The following PAQR3 variants were observed in gnomAD, a reference collection of about 807,000 sequenced individuals.
PAQR3 encodes the protein progestin and adipoQ receptor family member 3.
In PAQR3, 39 loss-of-function variants were observed where a neutral mutation model predicts 41.7. The observed-to-expected ratio is 0.93, with a 90% CI of 0.72 to 1.22. The LOEUF is 1.22. Ranked by LOEUF, PAQR3 falls within the 50% of genes most tolerant of loss-of-function variation. The pLI, the probability that PAQR3 is intolerant of heterozygous loss-of-function variation, is 0.00. For missense variants in PAQR3, 366 were observed against 385.6 expected, an observed-to-expected ratio of 0.95 and a Z score of 0.42; for synonymous variants, 140 against 140.6, an observed-to-expected ratio of 1.00 and a Z score of 0.03.
At position 78,939,141 on chromosome 4, in the gene PAQR3, G is replaced by A; in HGVS notation, c.84C>T (p.Ile28=). 1.9e-6 allele frequency: 3 copies of A among 1,613,824 alleles called. No individual in the cohort carries two copies. The highest frequency in any genetic ancestry group is 1.7e-6 in the Non-Finnish European group (2 of 1,179,890). ...QYWPVLVPRG[I]RLYTYEQIPG... ...GGATCTGCTCGTAGGTGTACAGGCG[G>A]ATGCCACGGGGCACCAGGACCGGCC... is the stretch of plus-strand genomic sequence containing the variant. The change falls in exon 1 of 6, where the codon ATC becomes ATT. Residue 28 remains isoleucine (I), a synonymous_variant. Coordinates refer to ENST00000512733, the MANE Select transcript of PAQR3 (RefSeq NM_001040202.2).
chr4:78,905,858 G>A (rs1734257211), intron 11 of PAQR3, among the ~76,000 whole-genome samples: 1 of 151,856 alleles, frequency 6.6e-6, no homozygotes, highest in Admixed American at 6.6e-5. Context: ...AAGAAATGGA[G>A]TATGAAGGTT....
rs1056459889 is a variant in PAQR3 at position 78,935,381 on chromosome 4, C to T, written c.186-98G>A. Reference sequence around the variant, plus strand: ...ATTTTGAGGAGTTACCTAATACTTGCTCCTTTAAGCTCTTACCCCACCTGT... The same window carrying T: ...ATTTTGAGGAGTTACCTAATACTTGTTCCTTTAAGCTCTTACCCCACCTGT... On this transcript the variant is annotated intron_variant, in intron 1 of 5. Transcript: ENST00000512733. 1.7e-4 allele frequency: 155 copies of T among 925,312 alleles called. 1 individual carries two copies. The highest frequency in any genetic ancestry group is 2.3e-4 in the Non-Finnish European group (146 of 634,124). 57.3% of individuals were successfully genotyped at this position (925,312 alleles called of 1,614,324 possible).
chr4:78,939,045 G>A lies in PAQR3; in HGVS notation c.180C>T (p.Ile60=). Reference sequence around the variant, plus strand: ...CGGAGGCAGCCAGACCGTACCTTTTGATACACAGCCTGGACGGCAGGTAGG... The same window carrying A: ...CGGAGGCAGCCAGACCGTACCTTTTAATACACAGCCTGGACGGCAGGTAGG... The part of the protein sequence containing the change: ...YRAYLPSRLC[I]KSLFILSNET... The change falls in exon 1 of 6, where the codon ATC becomes ATT. Residue 60 remains isoleucine (I), a synonymous_variant. Coordinates refer to ENST00000512733, the MANE Select transcript of PAQR3 (RefSeq NM_001040202.2). The A allele has an allele frequency of 1.2e-6, 2 of 1,602,442 alleles. No individual in the cohort carries two copies. Among genetic ancestry groups the A allele is most frequent in the Admixed American group, 1.7e-5 (1 of 59,492 alleles).
Position 78,917,178 on chromosome 4 carries a change from A to G in PAQR3, c.*3361T>C, listed in dbSNP as rs1396838558. ...TGGATAACGAATACCTTTTTAAGGAAGCCCAGGTCAAGCATCATATGTAAC... is the reference window on the plus strand; with the variant it reads ...TGGATAACGAATACCTTTTTAAGGAGGCCCAGGTCAAGCATCATATGTAAC... On this transcript the variant is annotated 3_prime_UTR_variant, in exon 6 of 6. Transcript: ENST00000512733. 2.0e-5 allele frequency: 3 copies of G among 151,974 alleles called. No individual in the cohort carries two copies. The highest frequency in any genetic ancestry group is 6.6e-5 in the Admixed American group (1 of 15,222). The allele number at this position is 151,974 out of a possible 1,614,324, so 9.4% of individuals were successfully genotyped here.
At chr4:78,903,273 ATTG>A (rs1403370648) in intron 11 of PAQR3, among the ~76,000 whole-genome samples, 2 of 151,918 alleles carry the variant, frequency 1.3e-5, no homozygotes, top group African/African-American at 4.8e-5. Flanking sequence ...AAATTATCCT[ATTG>A]TTATTACCTT....
chr4:78,890,762 C>G (rs563730141), intron 11 of PAQR3, among the ~76,000 whole-genome samples: 1 of 152,170 alleles, frequency 6.6e-6, no homozygotes, highest in Non-Finnish European at 1.5e-5. Context: ...CTGGAGCTGT[C>G]ACACTTATAA....
At position 78,917,816 on chromosome 4, in the gene PAQR3, G is replaced by C; in HGVS notation, c.*2723C>G. On this transcript the variant is annotated 3_prime_UTR_variant, in exon 6 of 6. Coordinates refer to ENST00000512733, the MANE Select transcript of PAQR3 (RefSeq NM_001040202.2). ...GAAGTCAATCACAATCTTCAAATCG[G>C]ATATTCTGTCCAGGTGGGATGCCAT... 1.0e-6 allele frequency: 1 copy of C among 985,276 alleles called. No homozygotes were observed. The highest frequency in any genetic ancestry group is 1.2e-6 in the Non-Finnish European group (1 of 829,584). 61.0% of individuals were successfully genotyped at this position (985,276 alleles called of 1,614,324 possible).
chr4:78,917,289 T>C lies in PAQR3; in HGVS notation c.*3250A>G, dbSNP rs1735171960. ...AGATAGTTCAGATGGTTGTCACAATTGAGATTATGTGCAGGTTAGGTAGTA... is the reference window on the plus strand; with the variant it reads ...AGATAGTTCAGATGGTTGTCACAATCGAGATTATGTGCAGGTTAGGTAGTA... On this transcript the variant is annotated 3_prime_UTR_variant, in exon 6 of 6. Coordinates refer to ENST00000512733, the MANE Select transcript of PAQR3 (RefSeq NM_001040202.2). 6.6e-6 allele frequency: 1 copy of C among 151,964 alleles called. No individual in the cohort carries two copies. 9.4% of individuals were successfully genotyped at this position (151,964 alleles called of 1,614,324 possible).
In PAQR3 at chr4:78,919,657, G is replaced by T. The variant is rs553560385; in HGVS notation, c.*882C>A. On this transcript the variant is annotated 3_prime_UTR_variant, in exon 6 of 6. Coordinates refer to ENST00000512733, the MANE Select transcript of PAQR3 (RefSeq NM_001040202.2). ...CTTGCAAGTAGCACCCACAATGCTGGGAACCCCCACCACTGGGATATTCAG... is the reference window on the plus strand; with the variant it reads ...CTTGCAAGTAGCACCCACAATGCTGTGAACCCCCACCACTGGGATATTCAG... The T allele has an allele frequency of 3.5e-4, 349 of 985,054 alleles. 5 individuals are homozygous for T. In the South Asian group the frequency reaches 0.014, roughly 41 times the overall value. The allele number at this position is 985,054 out of a possible 1,614,324, so 61.0% of individuals were successfully genotyped here. A position where few individuals can be genotyped will look rare whatever the true frequency, so the allele number is the denominator to read the frequency against.
intron 2 of PAQR3, among the ~76,000 whole-genome samples, chr4:78,933,527 A>G (rs1255213726): frequency 1.3e-5 from 2 of 152,192 alleles, no homozygotes; most frequent in African/African-American, 4.8e-5. Flanking sequence ...TGACCCTAAG[A>G]ATCTGGAAAA....
intron 11 of PAQR3, among the ~76,000 whole-genome samples, chr4:78,901,104 G>C (rs1187020831): frequency 1.3e-5 from 2 of 152,092 alleles, no homozygotes; most frequent in Non-Finnish European, 2.9e-5. Flanking sequence ...GTGCAGTGGC[G>C]TGATCATAGG....
intron 5 of PAQR3, chr4:78,921,905 A>G (rs1735694425): frequency 2.0e-6 from 2 of 985,074 alleles, no homozygotes; most frequent in South Asian, 4.7e-5. Context: ...CATAGGGCAC[A>G]TTTTATGTCA....
chr4:78,907,711 G>C (rs529132227), downstream of PAQR3, among the ~76,000 whole-genome samples: 3 of 152,214 alleles, frequency 2.0e-5, no homozygotes, highest in Non-Finnish European at 4.4e-5. Flanking sequence ...AGTGGAGGCA[G>C]AATGCAGAGT....
chr4:78,895,813 G>A lies in PAQR3; in HGVS notation c.*837-7665C>T, dbSNP rs368306560. ...ATTTTGCTTTTTTGCCCAGGCTGGA[G>A]TGCAGTGGCATGATCACGGTTCACT... On this transcript the variant is annotated intron_variant and NMD_transcript_variant, in intron 11 of 12. Coordinates refer to the PAQR3 transcript ENST00000342820. Among the ~76,000 whole-genome samples, 7 of 152,252 alleles carry A rather than the reference G, an allele frequency of 4.6e-5. No individual in the cohort carries two copies. In the East Asian group the frequency reaches 1.2e-3, roughly 25 times the overall value.
rs1737787683 is a variant in PAQR3, at chr4:78,939,264, C to G, written c.-40G>C. ...GCCGCTCCCCGGCTCGGGAGCTCCCCCAGGTCCCGCCTCCCCGGGGAGGGG... is the reference window on the plus strand; with the variant it reads ...GCCGCTCCCCGGCTCGGGAGCTCCCGCAGGTCCCGCCTCCCCGGGGAGGGG... On this transcript the variant is annotated 5_prime_UTR_variant, in exon 1 of 6. Transcript: ENST00000512733. The G allele has an allele frequency of 6.5e-7, 1 of 1,548,002 alleles. No homozygotes were observed. Among genetic ancestry groups the G allele is most frequent in the Non-Finnish European group, 8.7e-7 (1 of 1,150,580 alleles).
intron 2 of PAQR3, 64 bp from the exon 3 acceptor site, chr4:78,930,389 T>C: frequency 6.7e-7 from 1 of 1,500,478 alleles, no homozygotes; most frequent in South Asian, 1.3e-5. Flanking sequence ...ATGCATGATA[T>C]TCAGGGAAGT....
chr4:78,894,019 G>A (rs1733574842), intron 11 of PAQR3, among the ~76,000 whole-genome samples: 1 of 152,176 alleles, frequency 6.6e-6, no homozygotes, highest in Non-Finnish European at 1.5e-5. Flanking sequence ...ATTTTGAAAG[G>A]AATCTTCTTT....
intron 5 of PAQR3, chr4:78,922,253 T>C (rs1735728815): frequency 8.1e-7 from 1 of 1,231,184 alleles, no homozygotes; most frequent in African/African-American, 1.6e-5. Flanking sequence ...GGTTTTCCCT[T>C]GTATTTCCAT....
chr4:78,922,932 T>C (rs1010753861), intron 5 of PAQR3: 5 of 456,178 alleles, frequency 1.1e-5, no homozygotes, highest in Non-Finnish European at 2.2e-5. Context: ...TTGGAGACTG[T>C]TGTTCACTCC....
Sources: allele counts gnomAD v4.1 joint callset (sites outside exome capture counted in the v4.1 genomes callset), GRCh38; gene constraint gnomAD v4.1.1; transcripts MANE v1.5; gene names NCBI Gene and HGNC (gene_info 2026-07-23, HGNC 2026-07-21).